KIAA2012: variants seen among roughly 807,000 people sequenced by gnomAD.
KIAA2012 encodes KIAA2012.
A neutral mutation model predicts 150.6 loss-of-function variants in KIAA2012; 125 were observed. That is an observed-to-expected ratio of 0.83 (90% CI 0.72 to 0.96). KIAA2012 has a LOEUF of 0.96. Among genes scored for constraint, KIAA2012 ranks in the 40% least tolerant of loss-of-function variants. KIAA2012 has a pLI of 0.00. For synonymous variants in KIAA2012, 462 were observed against 504.7 expected (o/e 0.92, Z 1.13); for missense variants, 1,219 against 1,354.9 (o/e 0.90, Z 1.57).
chr2:202,098,628 C>T (rs1282323081), intron 5 of KIAA2012, among the ~76,000 whole-genome samples: 1 of 152,086 alleles, frequency 6.6e-6, no homozygotes, highest in African/African-American at 2.4e-5. Context: ...TGTTTTGGGT[C>T]CTGCTTTTTG....
In KIAA2012 at chr2:202,105,926, C is replaced by G. The variant is rs753128816; in HGVS notation, c.1474+16C>G. The G allele has an allele frequency of 3.2e-6, 5 of 1,550,776 alleles. No homozygotes were observed. In the African/African-American group the frequency reaches 6.8e-5, roughly 21 times the overall value. On this transcript the variant is annotated intron_variant, in intron 9 of 23. Transcript: ENST00000498697. ...TCACCTCAAGGTAGCTCCTCCCTCC[C>G]TCCAGCATCCCTCGGGAACCTCACT...
At chr2:202,193,622 G>C in intron 20 of KIAA2012, 119 bp downstream of exon 20, 1 of 989,516 alleles carries the variant, frequency 1.0e-6, no homozygotes, top group Non-Finnish European at 1.5e-6. Context: ...AGTTAAAATA[G>C]CATGTGTCAT....
In KIAA2012 at chr2:202,133,130, A is replaced by ATATATT. The variant is rs1279080237; in HGVS notation, c.1832-5301_1832-5300insATATTT. On this transcript the variant is annotated intron_variant, in intron 12 of 23. Coordinates refer to ENST00000498697, the MANE Select transcript of KIAA2012 (RefSeq NM_001277372.4). ...AAAAAATATATATATATATATATAT[A>ATATATT]TTTTTTTTTTTTCTGGAGAATGGAG... 4.7e-4 allele frequency among the ~76,000 whole-genome samples: 32 copies of ATATATT among 67,792 alleles called. 2 individuals carry two copies. Among genetic ancestry groups the ATATATT allele is most frequent in the East Asian group, 1.7e-3 (6 of 3,632 alleles). The allele number at this position is 67,792 out of a possible 152,430, so 44.5% of individuals were successfully genotyped here.
chr2:202,095,824 C>T (rs990983607), intron 4 of KIAA2012, among the ~76,000 whole-genome samples: 1 of 152,190 alleles, frequency 6.6e-6, no homozygotes, highest in Non-Finnish European at 1.5e-5. Flanking sequence ...TGGCTCATGA[C>T]TGTAATCCCA....
Position 202,093,214 on chromosome 2 carries a change from T to C in KIAA2012, c.685+29T>C, listed in dbSNP as rs989240021. 3 of 1,547,256 alleles carry C rather than the reference T, an allele frequency of 1.9e-6. No homozygotes were observed. In the African/African-American group the frequency reaches 4.1e-5, roughly 21 times the overall value. On this transcript the variant is annotated intron_variant, in intron 4 of 23. Transcript: ENST00000498697. The stretch of plus-strand genomic sequence containing the variant: ...CGTGTTGATTTACATGTTGATTTTA[T>C]GACCAGTTCTCAGATATTTGAATTG...
intron 11 of KIAA2012, chr2:202,116,274 A>C (rs888384932): frequency 2.0e-5 from 3 of 152,020 alleles, no homozygotes; most frequent in Non-Finnish European, 4.4e-5. Flanking sequence ...TCTTGTTCTA[A>C]ATGGATTTTT....
At chr2:202,096,941 C>T (rs1251002853) in intron 4 of KIAA2012, among the ~76,000 whole-genome samples, 1 of 152,274 alleles carries the variant, frequency 6.6e-6, no homozygotes, top group Admixed American at 6.5e-5. Flanking sequence ...TCAGTGCATT[C>T]GGCAGAGGCT....
intron 15 of KIAA2012, among the ~76,000 whole-genome samples, chr2:202,176,804 A>G (rs1349949443): frequency 6.6e-6 from 1 of 152,212 alleles, no homozygotes; most frequent in East Asian, 1.9e-4. Flanking sequence ...ATATCATTTC[A>G]TATATATCAG....
At chr2:202,142,401 A>G (rs1444878938) in intron 13 of KIAA2012, among the ~76,000 whole-genome samples, 1 of 152,258 alleles carries the variant, frequency 6.6e-6, no homozygotes, top group Non-Finnish European at 1.5e-5. Context: ...GAAAAAAAGA[A>G]AAAAGTCAGT....
intron 22 of KIAA2012, 122 bp from the exon 23 acceptor site, chr2:202,202,307 A>T (rs1193972613): frequency 2.5e-6 from 1 of 400,690 alleles, no homozygotes; most frequent in African/African-American, 2.1e-5. Context: ...CTGAAATCCA[A>T]GATCAACAGC....
intron 5 of KIAA2012, 123 bp downstream of exon 5, chr2:202,097,700 C>A: frequency 1.8e-6 from 2 of 1,107,090 alleles, no homozygotes; most frequent in Non-Finnish European, 2.5e-6. Flanking sequence ...AGCATTTCTC[C>A]TGCCTCAGCC....
chr2:202,140,888 C>A (rs1203188233), intron 13 of KIAA2012, among the ~76,000 whole-genome samples: 1 of 152,056 alleles, frequency 6.6e-6, no homozygotes, highest in Non-Finnish European at 1.5e-5. Context: ...CCCCTCCCTC[C>A]CTTCCTTGGG....
chr2:202,199,397 A>G (rs1055916656), intron 22 of KIAA2012, among the ~76,000 whole-genome samples: 9 of 152,168 alleles, frequency 5.9e-5, no homozygotes, highest in Admixed American at 5.9e-4. Context: ...CAGCCTCCCA[A>G]GTAGCTGGGA....
chr2:202,074,865 G>A (rs865869295), intron 1 of KIAA2012, 26 bp from the exon 2 acceptor site: 8 of 1,525,440 alleles, frequency 5.2e-6, no homozygotes, highest in Middle Eastern at 1.7e-4. Flanking sequence ...CAGTGGCTCC[G>A]TCAAAGTGGC....
intron 15 of KIAA2012, among the ~76,000 whole-genome samples, chr2:202,176,696 T>C (rs1000250537): frequency 6.6e-6 from 1 of 152,008 alleles, no homozygotes; most frequent in Non-Finnish European, 1.5e-5. Flanking sequence ...GCAAATGATG[T>C]GAACAGGCAA....
In KIAA2012 at chr2:202,113,414, A is replaced by G; in HGVS notation, c.1730A>G (p.His577Arg). Reference sequence around the variant, plus strand: ...AAAGTCTGCCTGTCCCTCCCAGGGCATACCCAAACCGAGGCGCTTCCATCG... The same window carrying G: ...AAAGTCTGCCTGTCCCTCCCAGGGCGTACCCAAACCGAGGCGCTTCCATCG... ...GEKVCLSLPG[H>R]TQTEALPSGK... Residue 577 changes from histidine to arginine, a missense_variant, in exon 11 of 24, where the codon CAT becomes CGT. By Grantham distance (29) the His-to-Arg change is conservative (BLOSUM62 0). Coordinates refer to ENST00000498697, the MANE Select transcript of KIAA2012 (RefSeq NM_001277372.4). The G allele has an allele frequency of 6.5e-7, 1 of 1,550,270 alleles. No individual in the cohort carries two copies. Among genetic ancestry groups the G allele is most frequent in the Non-Finnish European group, 8.7e-7 (1 of 1,146,956 alleles).
intron 12 of KIAA2012, among the ~76,000 whole-genome samples, chr2:202,128,625 G>A (rs1278037430): frequency 1.3e-5 from 2 of 151,854 alleles, no homozygotes; most frequent in African/African-American, 4.8e-5. Context: ...CTATTACCTG[G>A]TAATATGCTG....
chr2:202,124,680 C>T (rs900987268), intron 11 of KIAA2012, among the ~76,000 whole-genome samples: 2 of 152,164 alleles, frequency 1.3e-5, no homozygotes, highest in African/African-American at 4.8e-5. Flanking sequence ...CAGAATTTTA[C>T]CTTTAAACAT....
At chr2:202,137,098 C>G (rs1289808818) in intron 12 of KIAA2012, 1 of 152,176 alleles carries the variant, frequency 6.6e-6, no homozygotes, top group Non-Finnish European at 1.5e-5. Context: ...AAGGTCAGCC[C>G]ACAAAGAATG....
Sources: gnomAD v4.1 joint callset for allele counts (sites outside exome capture counted in the v4.1 genomes callset) on GRCh38, gnomAD v4.1.1 for gene constraint, MANE v1.5 for transcripts, NCBI Gene and HGNC (gene_info 2026-07-23, HGNC 2026-07-21) for gene names.